KANSL1L: variants seen among roughly 807,000 people sequenced by gnomAD.
KANSL1L encodes the protein KAT8 regulatory NSL complex subunit 1 like.
Under a neutral mutation model 108.6 loss-of-function variants are expected in KANSL1L, and 25 were observed. The observed-to-expected ratio is 0.23, with a 90% CI of 0.17 to 0.32. The LOEUF (loss-of-function observed/expected upper bound fraction) is 0.32. Among genes scored for constraint, KANSL1L ranks in the 10% least tolerant of loss-of-function variants. The pLI, the probability that KANSL1L is intolerant of heterozygous loss-of-function variation, is 1.00. For missense variants in KANSL1L, 1,137 were observed against 1,125.7 expected (o/e 1.01, Z -0.14); for synonymous variants, 405 against 395.1 (o/e 1.03, Z -0.30).
chr2:210,022,822 T>TAAAC lies in KANSL1L; in HGVS notation c.*123_*126dup. On this transcript the variant is annotated 3_prime_UTR_variant, in exon 15 of 15. Transcript: ENST00000281772. ...AAACAGACTTATCTTGCCTGTTTCA[T>TAAAC]AAACAGCATAAAAGATTAATACATG... is the stretch of plus-strand genomic sequence containing the variant. The TAAAC allele has an allele frequency of 1.5e-6, 1 of 689,564 alleles. No individual in the cohort carries two copies. The highest frequency in any genetic ancestry group is 2.4e-6 in the Non-Finnish European group (1 of 409,746). The allele number at this position is 689,564 out of a possible 1,614,324, so 42.7% of individuals were successfully genotyped here. A position where few individuals can be genotyped will look rare whatever the true frequency, so the allele number is the denominator to read the frequency against.
At chr2:210,157,623 G>C (rs1191280793) in intron 1 of KANSL1L, among the ~76,000 whole-genome samples, 1 of 138,806 alleles carries the variant, frequency 7.2e-6, no homozygotes, top group Non-Finnish European at 1.5e-5. Flanking sequence ...CCTGGACGTT[G>C]AAGCTGCAGT....
intron 6 of KANSL1L, among the ~76,000 whole-genome samples, chr2:210,048,878 A>T (rs1316680769): frequency 6.6e-6 from 1 of 152,112 alleles, no homozygotes; most frequent in Non-Finnish European, 1.5e-5. Flanking sequence ...CCTATTTTAA[A>T]ACCCAATTCT....
Position 210,142,445 on chromosome 2 carries a change from T to C in KANSL1L, c.1088+11050A>G, listed in dbSNP as rs949514618. The stretch of plus-strand genomic sequence containing the variant: ...TGCTTATCTTTTCAAAAAAACCAAC[T>C]CTTGGTTTCATCAATCTTTTCTATT... On this transcript the variant is annotated intron_variant, in intron 2 of 14. Transcript: ENST00000281772. Among the ~76,000 whole-genome samples, 13 of 152,238 alleles carry C rather than the reference T, an allele frequency of 8.5e-5. No individual in the cohort carries two copies. The East Asian group carries it at 2.5e-3, about 29-fold the overall frequency.
intron 2 of KANSL1L, among the ~76,000 whole-genome samples, chr2:210,141,298 G>A (rs1473900661): frequency 6.6e-6 from 1 of 151,982 alleles, no homozygotes; most frequent in Non-Finnish European, 1.5e-5. Context: ...ATTGGTCAGA[G>A]TAGGTGGTAT....
intron 6 of KANSL1L, among the ~76,000 whole-genome samples, chr2:210,071,015 G>A (rs571553708): frequency 5.3e-5 from 8 of 151,934 alleles, no homozygotes; most frequent in Admixed American, 3.3e-4. Context: ...AAAATTAGCC[G>A]GGTGTGGTGG....
intron 1 of KANSL1L, among the ~76,000 whole-genome samples, chr2:210,157,207 G>A (rs12465936): frequency 0.33 from 49,621 of 151,862 alleles, 8,201 homozygotes; most frequent in East Asian, 0.51. Context: ...CACGCTTCTT[G>A]TTGATGTTAC....
At chr2:210,045,691 A>G (rs943622028) in intron 6 of KANSL1L, among the ~76,000 whole-genome samples, 1 of 152,004 alleles carries the variant, frequency 6.6e-6, no homozygotes, top group African/African-American at 2.4e-5. Context: ...GCATCTTACC[A>G]CTTTTAAAGA....
intron 7 of KANSL1L, 28 bp from the exon 8 acceptor site, chr2:210,040,555 T>C: frequency 2.9e-6 from 3 of 1,032,412 alleles, no homozygotes; most frequent in Non-Finnish European, 4.3e-6. Flanking sequence ...AAAAGGTATT[T>C]TCAAATACCA....
At chr2:210,039,316 C>T (rs1267346632) in intron 8 of KANSL1L, among the ~76,000 whole-genome samples, 1 of 151,894 alleles carries the variant, frequency 6.6e-6, no homozygotes, top group Non-Finnish European at 1.5e-5. Flanking sequence ...TCATGTTTCT[C>T]ACTGAACTTT....
chr2:210,065,752 A>G (rs2094462457), intron 6 of KANSL1L, among the ~76,000 whole-genome samples: 1 of 151,900 alleles, frequency 6.6e-6, no homozygotes, highest in Non-Finnish European at 1.5e-5. Flanking sequence ...CGCCCGGCTA[A>G]TATTTGTATT....
intron 1 of KANSL1L, among the ~76,000 whole-genome samples, chr2:210,167,008 G>C (rs1688017336): frequency 6.6e-6 from 1 of 152,028 alleles, no homozygotes; most frequent in East Asian, 1.9e-4. Context: ...GTGACAGAGA[G>C]ACACTGTCTC....
chr2:210,102,659 T>C (rs888343470), intron 4 of KANSL1L, among the ~76,000 whole-genome samples: 1 of 152,222 alleles, frequency 6.6e-6, no homozygotes, highest in East Asian at 1.9e-4. Flanking sequence ...GGGCGAAGGA[T>C]ATGAATAGAC....
In KANSL1L at chr2:210,104,161, T is replaced by G. The variant is rs780487095; in HGVS notation, c.1371A>C (p.Gln457His). Residue 457 changes from glutamine to histidine, a missense_variant, in exon 4 of 15, where the codon CAA becomes CAC. Coordinates refer to ENST00000281772, the MANE Select transcript of KANSL1L (RefSeq NM_152519.4). ...GGCTGCTTGGTGACATTTCAAAATC[T>G]TGTTCCGGTACAGGATCTTGACACT... ...PQECQDPVPE[Q>H]DFEMSPSSPT... 3 of 1,613,918 alleles carry G rather than the reference T, an allele frequency of 1.9e-6. No individual in the cohort carries two copies. The highest frequency in any genetic ancestry group is 2.7e-5 in the African/African-American group (2 of 74,942).
At chr2:210,034,334 A>G (rs1248452938) in intron 8 of KANSL1L, among the ~76,000 whole-genome samples, 1 of 152,230 alleles carries the variant, frequency 6.6e-6, no homozygotes, top group Non-Finnish European at 1.5e-5. Flanking sequence ...ATGAAGTGAC[A>G]GACTCCAAAT....
chr2:210,149,336 T>C (rs536082539), intron 2 of KANSL1L, among the ~76,000 whole-genome samples: 2 of 152,288 alleles, frequency 1.3e-5, no homozygotes, highest in East Asian at 1.9e-4. Flanking sequence ...CTAATACTCA[T>C]GTTGCTTAAA....
intron 6 of KANSL1L, among the ~76,000 whole-genome samples, chr2:210,046,912 A>C (rs2094229785): frequency 6.6e-6 from 1 of 152,176 alleles, no homozygotes; most frequent in African/African-American, 2.4e-5. Context: ...CACCAGAGCC[A>C]CACTTTAGAG....
At chr2:210,070,845 C>T (rs149019225) in intron 6 of KANSL1L, among the ~76,000 whole-genome samples, 252 of 152,080 alleles carry the variant, frequency 1.7e-3, no homozygotes, top group African/African-American at 5.4e-3. Context: ...TGTATTTTAC[C>T]ACAATAAAAA....
Position 210,024,220 on chromosome 2 carries a change from A to G in KANSL1L, c.2565-19T>C, listed in dbSNP as rs746126021. 2 of 1,525,208 alleles carry G rather than the reference A, an allele frequency of 1.3e-6. No individual in the cohort carries two copies. The highest frequency in any genetic ancestry group is 2.5e-5 in the South Asian group (2 of 79,860). The allele number at this position is 1,525,208 out of a possible 1,614,324, so 94.5% of individuals were successfully genotyped here. On this transcript the variant is annotated intron_variant, in intron 13 of 14. Coordinates refer to ENST00000281772, the MANE Select transcript of KANSL1L (RefSeq NM_152519.4). ...GTAAGCTCTAGCAAGAAAATCAGGA[A>G]AACACAATTATTTTTTATTTTTTGA...
intron 5 of KANSL1L, among the ~76,000 whole-genome samples, chr2:210,086,955 C>A (rs183728013): frequency 6.6e-6 from 1 of 151,708 alleles, no homozygotes; most frequent in Non-Finnish European, 1.5e-5. Flanking sequence ...GTTTAAAAGG[C>A]CTTTAAATAA....
Sources: allele counts gnomAD v4.1 joint callset (sites outside exome capture counted in the v4.1 genomes callset), GRCh38; gene constraint gnomAD v4.1.1; transcripts MANE v1.5; gene names NCBI Gene and HGNC (gene_info 2026-07-23, HGNC 2026-07-21).